Variants in ABHD4 observed in about 807,000 individuals in gnomAD.
The protein encoded by ABHD4 is (Lyso)-N-acylphosphatidylethanolamine lipase.
A neutral mutation model predicts 42.3 loss-of-function variants in ABHD4; 35 were observed. That is an observed-to-expected ratio of 0.83 (90% CI 0.63 to 1.10). ABHD4 has a LOEUF of 1.10. Ranked by LOEUF, ABHD4 falls within the 50% of genes least tolerant of loss-of-function variation. The probability of loss-of-function intolerance (pLI) is 0.00; values close to 1 mark genes in which losing one functional copy is unlikely to be tolerated. For missense variants in ABHD4, 389 were observed against 454.8 expected (o/e 0.86, Z 1.32); for synonymous variants, 169 against 170.6 (o/e 0.99, Z 0.07).
At chr14:22,610,277 G>C (rs759584413) in intron 6 of ABHD4, among the ~76,000 whole-genome samples, 1 of 152,096 alleles carries the variant, frequency 6.6e-6, no homozygotes, top group Admixed American at 6.5e-5. Flanking sequence ...GGCTGGTCTC[G>C]AACTCCTGAC....
At chr14:22,598,761 G>C in intron 1 of ABHD4, 1 of 357,500 alleles carries the variant, frequency 2.8e-6, no homozygotes, top group South Asian at 2.2e-5. Flanking sequence ...GCCCGGCAAA[G>C]AGAAGATGTG....
intron 1 of ABHD4, chr14:22,600,038 G>A (rs1454059677): frequency 3.4e-6 from 1 of 292,282 alleles, no homozygotes; most frequent in Non-Finnish European, 7.2e-6. Context: ...AAGTTGATTG[G>A]GAGTTTGTGC....
chr14:22,609,698 G>A (rs747646139), intron 5 of ABHD4, 26 bp from the exon 6 acceptor site: 53 of 1,608,960 alleles, frequency 3.3e-5, no homozygotes, highest in Non-Finnish European at 4.2e-5. Flanking sequence ...CTGCTGTGAA[G>A]TTTATTGCTG....
intron 6 of ABHD4, 68 bp downstream of exon 6, chr14:22,609,978 A>G: frequency 6.7e-7 from 1 of 1,491,472 alleles, no homozygotes; most frequent in Non-Finnish European, 9.2e-7. Context: ...CTTGGGGTAG[A>G]GAAGGGTGAT....
At position 22,610,861 on chromosome 14, in the gene ABHD4, G is replaced by T; in HGVS notation, c.942G>T (p.Glu314Asp). ...CCCTGCGGGTTCTCTCTCCACAGGA[G>T]ATTAAGGGTGCCTCCCACCATGTCT... ...QRPDSYVRDM[E>D]IKGASHHVYA... Residue 314 changes from glutamate (E) to aspartate (D), a missense_variant and splice_region_variant, in exon 7 of 7, where the codon GAG (glutamate) becomes GAT (aspartate). Physicochemically the swap from Glu to Asp is conservative, Grantham distance 45. Transcript: ENST00000428304. 6.2e-7 allele frequency: 1 copy of T among 1,613,908 alleles called. No homozygotes were observed. The highest frequency in any genetic ancestry group is 8.5e-7 in the Non-Finnish European group (1 of 1,179,876).
chr14:22,601,892 T>A, intron 2 of ABHD4, 137 bp downstream of exon 2: 1 of 733,654 alleles, frequency 1.4e-6, no homozygotes, highest in South Asian at 1.7e-5. Flanking sequence ...GGATGTCAGT[T>A]GTGTGAGGGA....
chr14:22,600,624 C>T (rs576649927), intron 1 of ABHD4, among the ~76,000 whole-genome samples: 2 of 152,116 alleles, frequency 1.3e-5, no homozygotes, highest in Non-Finnish European at 2.9e-5. Context: ...AGATATCTGT[C>T]CTGTAACTCA....
In ABHD4 at chr14:22,611,658, A is replaced by T. The variant is rs2037416438; in HGVS notation, c.*710A>T. The stretch of plus-strand genomic sequence containing the variant: ...CACTTGATTTGCTAAGGCTGGAGAC[A>T]GGCACCATTGCCATGGGGCTGGTCC... On this transcript the variant is annotated 3_prime_UTR_variant, in exon 7 of 7. Transcript: ENST00000428304. The T allele has an allele frequency of 6.5e-6, 1 of 152,886 alleles. No individual in the cohort carries two copies. The highest frequency in any genetic ancestry group is 3.4e-3 in the Middle Eastern group (1 of 294). The allele number at this position is 152,886 out of a possible 1,614,324, so 9.5% of individuals were successfully genotyped here.
At chr14:22,601,118 TC>T (rs1294444620) in intron 1 of ABHD4, among the ~76,000 whole-genome samples, 1 of 152,086 alleles carries the variant, frequency 6.6e-6, no homozygotes, top group Non-Finnish European at 1.5e-5. Context: ...CTACCCCATC[TC>T]CATGGGTTGG....
intron 4 of ABHD4, chr14:22,605,895 A>G: frequency 8.3e-7 from 1 of 1,202,750 alleles, no homozygotes. Flanking sequence ...GGTGAAACGA[A>G]CAGATTGTTG....
chr14:22,609,261 G>C (rs2037383661), intron 5 of ABHD4, among the ~76,000 whole-genome samples: 1 of 151,128 alleles, frequency 6.6e-6, no homozygotes, highest in Admixed American at 6.7e-5. Context: ...GCCTCCCAAA[G>C]TGCTGGGATT....
rs982393099 is a variant in ABHD4, at chr14:22,611,083, A to C, written c.*135A>C. 1.3e-6 allele frequency: 1 copy of C among 765,282 alleles called. No homozygotes were observed. The highest frequency in any genetic ancestry group is 1.7e-5 in the African/African-American group (1 of 58,360). The allele number at this position is 765,282 out of a possible 1,614,324, so 47.4% of individuals were successfully genotyped here. On this transcript the variant is annotated 3_prime_UTR_variant, in exon 7 of 7. Transcript: ENST00000428304. ...CAGAGTCTTGTGCTGTTCCCAGAACAGGACGACAGTGAAAAGAACACTCTT... is the reference window on the plus strand; with the variant it reads ...CAGAGTCTTGTGCTGTTCCCAGAACCGGACGACAGTGAAAAGAACACTCTT...
At chr14:22,598,556 G>T in intron 1 of ABHD4, 1 of 1,308,094 alleles carries the variant, frequency 7.6e-7, no homozygotes, top group South Asian at 1.3e-5. Context: ...GCAGCCCGGG[G>T]ATCCTGGCTT....
rs1437953578 is a variant in ABHD4 at position 22,603,562 on chromosome 14, C to T, written c.285C>T (p.Arg95=). 1.9e-6 allele frequency: 3 copies of T among 1,614,064 alleles called. No individual in the cohort carries two copies. Among genetic ancestry groups the T allele is most frequent in the South Asian group, 2.2e-5 (2 of 91,084 alleles). Residue 95 remains arginine, a synonymous_variant, in exon 3 of 7, where the codon CGC becomes CGT. Coordinates refer to ENST00000428304, the MANE Select transcript of ABHD4 (RefSeq NM_022060.3). ...ACATGGACTCACTGAGTGCCCGCCG[C>T]ACACTGCACACCTTCGATCTGCTTG... ...ILNMDSLSAR[R]TLHTFDLLGF...
In ABHD4 at chr14:22,598,343, G is replaced by C. The variant is rs910721042; in HGVS notation, c.23+14G>C. 3.9e-6 allele frequency: 6 copies of C among 1,551,624 alleles called. No homozygotes were observed. In the African/African-American group the frequency reaches 6.8e-5, roughly 18 times the overall value. On this transcript the variant is annotated intron_variant, in intron 1 of 6. Coordinates refer to ENST00000428304, the MANE Select transcript of ABHD4 (RefSeq NM_022060.3). The stretch of plus-strand genomic sequence containing the variant: ...TCTGGAGCAGCAGTGAGTTAATCCT[G>C]TCCCTTTCTCTCTTTCTCTCTCTCT...
chr14:22,607,473 T>C (rs2037362396), intron 5 of ABHD4, among the ~76,000 whole-genome samples: 1 of 152,184 alleles, frequency 6.6e-6, no homozygotes, highest in African/African-American at 2.4e-5. Flanking sequence ...AGGCAGAGAT[T>C]TGCATTCCAG....
intron 1 of ABHD4, chr14:22,600,270 T>C (rs987283815): frequency 2.2e-6 from 1 of 444,734 alleles, no homozygotes; most frequent in African/African-American, 2.0e-5. Flanking sequence ...CAGACATAAA[T>C]GTAAAAATGT....
intron 3 of ABHD4, 70 bp from the exon 4 acceptor site, chr14:22,603,855 G>T (rs2037316109): frequency 2.5e-6 from 4 of 1,591,934 alleles, no homozygotes; most frequent in Non-Finnish European, 2.6e-6. Context: ...TCATTCCCAG[G>T]CGATTTAAGG....
chr14:22,608,157 G>A (rs981631170), intron 5 of ABHD4, among the ~76,000 whole-genome samples: 5 of 152,170 alleles, frequency 3.3e-5, no homozygotes, highest in Non-Finnish European at 7.3e-5. Context: ...GAATTCATTT[G>A]ACTCCAAATT....
Sources: allele counts gnomAD v4.1 joint callset (sites outside exome capture counted in the v4.1 genomes callset), GRCh38; gene constraint gnomAD v4.1.1; transcripts MANE v1.5; gene names NCBI Gene and HGNC (gene_info 2026-07-23, HGNC 2026-07-21).